TRIM62: variants seen among roughly 807,000 people sequenced by gnomAD.
The protein encoded by TRIM62 is E3 ubiquitin-protein ligase TRIM62.
In TRIM62, 39 loss-of-function variants were observed where a neutral mutation model predicts 44.2. That is an observed-to-expected ratio of 0.88 (90% CI 0.68 to 1.15). The LOEUF (loss-of-function observed/expected upper bound fraction) is 1.15, where lower values mean the gene tolerates loss of function less well. Ranked by LOEUF, TRIM62 falls within the 50% of genes most tolerant of loss-of-function variation. TRIM62 has a pLI of 0.00. For synonymous variants in TRIM62, 278 were observed against 292.3 expected, an observed-to-expected ratio of 0.95 and a Z score of 0.50; for missense variants, 544 against 665.5, an observed-to-expected ratio of 0.82 and a Z score of 2.01.
In TRIM62 at chr1:33,161,040, C is replaced by T. The variant is rs778340741; in HGVS notation, c.505-1096G>A. 2.0e-5 allele frequency among the ~76,000 whole-genome samples: 3 copies of T among 152,208 alleles called. No individual in the cohort carries two copies. Among genetic ancestry groups the T allele is most frequent in the Admixed American group, 6.5e-5 (1 of 15,282 alleles). The stretch of plus-strand genomic sequence containing the variant: ...AGCTCTGGGTCTCTAGCTATGGCAA[C>T]GTCAGTTGCCTAAGAGCTGTGAACC... On this transcript the variant is annotated intron_variant, in intron 2 of 4. Transcript: ENST00000291416. This position sits in a 1 kb window ranked among gnomAD's most constrained non-coding sequence, Gnocchi z 4.3.
Position 33,147,780 on chromosome 1 carries a change from C to T in TRIM62, c.878-53G>A. 1.3e-5 allele frequency: 20 copies of T among 1,566,554 alleles called. No homozygotes were observed. The highest frequency in any genetic ancestry group is 1.6e-5 in the Non-Finnish European group (18 of 1,153,244). On this transcript the variant is annotated intron_variant, in intron 4 of 4. Transcript: ENST00000291416. This position sits in a 1 kb window ranked among gnomAD's most constrained non-coding sequence, Gnocchi z 8.1. ...ATGAGTGGGGAGAAGGCTGTGGACC[C>T]ACCATGCAGTGCCTTCCTGAGGGCA...
chr1:33,155,996 C>T (rs1435947259), intron 4 of TRIM62, among the ~76,000 whole-genome samples: 1 of 152,202 alleles, frequency 6.6e-6, no homozygotes, highest in Non-Finnish European at 1.5e-5. Flanking sequence ...AAGAGAATCC[C>T]CCAAGCGCCC....
intron 1 of TRIM62, among the ~76,000 whole-genome samples, chr1:33,174,770 A>G (rs1319186722): frequency 1.3e-5 from 2 of 152,090 alleles, no homozygotes; most frequent in Admixed American, 6.5e-5. Context: ...AGTTACAGCA[A>G]CCTACCAGTT....
intron 4 of TRIM62, among the ~76,000 whole-genome samples, chr1:33,148,384 C>T (rs891311549): frequency 2.0e-5 from 3 of 152,132 alleles, no homozygotes; most frequent in Admixed American, 6.5e-5. Context: ...CAGAATGCAA[C>T]CACTGTGTAA....
At position 33,147,818 on chromosome 1, in the gene TRIM62, G is replaced by T. The variant is rs934216078; in HGVS notation, c.878-91C>A. 257 of 1,436,980 alleles carry T rather than the reference G, an allele frequency of 1.8e-4. No homozygotes were observed. In the African/African-American group the frequency reaches 3.2e-3, roughly 18 times the overall value. 89.0% of individuals were successfully genotyped at this position (1,436,980 alleles called of 1,614,324 possible). On this transcript the variant is annotated intron_variant, in intron 4 of 4. Transcript: ENST00000291416. This position sits in a 1 kb window ranked among gnomAD's most constrained non-coding sequence, Gnocchi z 8.1. Reference sequence around the variant, plus strand: ...CTTCCTGAGGGCAGAGTTCTGGTTGGTACGCAGGAGGCCTCTGACCTGCTG... The same window carrying T: ...CTTCCTGAGGGCAGAGTTCTGGTTGTTACGCAGGAGGCCTCTGACCTGCTG...
In TRIM62 at chr1:33,181,139, C is replaced by A; in HGVS notation, c.294G>T (p.Lys98Asn). 6.2e-7 allele frequency: 1 copy of A among 1,600,730 alleles called. No individual in the cohort carries two copies. Among genetic ancestry groups the A allele is most frequent in the South Asian group, 1.1e-5 (1 of 90,556 alleles). The change falls in exon 1 of 5, where the codon AAG becomes AAT. Residue 98 changes from lysine to asparagine, a missense_variant. Lys to Asn is a moderately conservative substitution (Grantham distance 94). Coordinates refer to ENST00000291416, the MANE Select transcript of TRIM62 (RefSeq NM_018207.3). This position sits in a 1 kb window ranked among gnomAD's most constrained non-coding sequence, Gnocchi z 6.5. ...RAARPCQAHD[K>N]VKLFCLTDRA... ...GGTCCGTGAGGCAGAAGAGCTTGACCTTGTCGTGCGCCTGGCAGGGTCGCG... is the reference window on the plus strand; with the variant it reads ...GGTCCGTGAGGCAGAAGAGCTTGACATTGTCGTGCGCCTGGCAGGGTCGCG...
intron 1 of TRIM62, among the ~76,000 whole-genome samples, chr1:33,171,059 G>T (rs1277127724): frequency 6.6e-6 from 1 of 152,154 alleles, no homozygotes; most frequent in Non-Finnish European, 1.5e-5. Context: ...GGAAGAGGCT[G>T]CAGGGACCAT....
chr1:33,154,537 C>T (rs1037520049), intron 4 of TRIM62, among the ~76,000 whole-genome samples: 5 of 152,190 alleles, frequency 3.3e-5, no homozygotes, highest in South Asian at 4.1e-4. Context: ...CGGTGGCTCA[C>T]GCCTGTAATC....
At chr1:33,180,781 A>G (rs1207896501) in intron 1 of TRIM62, among the ~76,000 whole-genome samples, 1 of 151,606 alleles carries the variant, frequency 6.6e-6, no homozygotes, top group African/African-American at 2.4e-5. Flanking sequence ...CCGGTACTCC[A>G]GGTCTGTCTC....
At chr1:33,149,389 A>G (rs938415678) in intron 4 of TRIM62, among the ~76,000 whole-genome samples, 3 of 151,794 alleles carry the variant, frequency 2.0e-5, no homozygotes, top group Non-Finnish European at 2.9e-5. Flanking sequence ...CCTGGCCTCA[A>G]GTGATCTGCC....
rs1233747349 is a variant in TRIM62, at chr1:33,145,830, G to A, written c.*1347C>T. 2.1e-6 allele frequency: 1 copy of A among 470,182 alleles called. No homozygotes were observed. The highest frequency in any genetic ancestry group is 4.4e-6 in the Non-Finnish European group (1 of 226,646). 29.1% of individuals were successfully genotyped at this position (470,182 alleles called of 1,614,324 possible). On this transcript the variant is annotated 3_prime_UTR_variant, in exon 5 of 5. Coordinates refer to ENST00000291416, the MANE Select transcript of TRIM62 (RefSeq NM_018207.3). ...ATGCTGTGGCAGAAAAACGCAGGTG[G>A]GGCTTGCTCCACCCACCCTAACTTC... is the stretch of plus-strand genomic sequence containing the variant.
chr1:33,150,343 T>C (rs1645079637), intron 4 of TRIM62, among the ~76,000 whole-genome samples: 1 of 152,242 alleles, frequency 6.6e-6, no homozygotes, highest in South Asian at 2.1e-4. Flanking sequence ...AGAAATAAGA[T>C]GCCTCAATGA....
chr1:33,171,106 C>T (rs776612484), intron 1 of TRIM62, among the ~76,000 whole-genome samples: 1 of 152,166 alleles, frequency 6.6e-6, no homozygotes, highest in African/African-American at 2.4e-5. Flanking sequence ...ACAGGAAACA[C>T]AGGCCCAAGG....
At chr1:33,157,754 T>C (rs1231295662) in intron 4 of TRIM62, among the ~76,000 whole-genome samples, 1 of 152,014 alleles carries the variant, frequency 6.6e-6, no homozygotes, top group Non-Finnish European at 1.5e-5. Context: ...TCATGTTTTT[T>C]TTTTTTCTTC....
rs1645318899 is a variant in TRIM62, at chr1:33,165,461, C to T, written c.504+10G>A. ...TGCCGGCCCCACCTCCGCGCCCCGG[C>T]CAGGCTCACCTTGGTCTCCGCCAGT... On this transcript the variant is annotated intron_variant, in intron 2 of 4. Transcript: ENST00000291416. The surrounding 1 kb of genome is among the most constrained non-coding windows in gnomAD (Gnocchi z 4.0). 16 of 1,587,196 alleles carry T rather than the reference C, an allele frequency of 1.0e-5. No homozygotes were observed. The highest frequency in any genetic ancestry group is 1.4e-5 in the Non-Finnish European group (16 of 1,165,992).
At chr1:33,154,978 A>G (rs1212647069) in intron 4 of TRIM62, among the ~76,000 whole-genome samples, 1 of 149,940 alleles carries the variant, frequency 6.7e-6, no homozygotes, top group Non-Finnish European at 1.5e-5. Flanking sequence ...CTGCAGTCCC[A>G]GCTACTCGGG....
chr1:33,180,118 G>A (rs1373797566), intron 1 of TRIM62, among the ~76,000 whole-genome samples: 4 of 152,078 alleles, frequency 2.6e-5, no homozygotes, highest in East Asian at 1.9e-4. Context: ...AAGGGAGACC[G>A]ATTAGAGTTC....
At chr1:33,176,091 T>C (rs897637469) in intron 1 of TRIM62, among the ~76,000 whole-genome samples, 1 of 152,192 alleles carries the variant, frequency 6.6e-6, no homozygotes, top group Non-Finnish European at 1.5e-5. Flanking sequence ...GCTGTTGGCA[T>C]AGAAATCCTG....
intron 1 of TRIM62, among the ~76,000 whole-genome samples, chr1:33,171,923 A>G (rs1645377618): frequency 6.6e-6 from 1 of 152,104 alleles, no homozygotes; most frequent in Non-Finnish European, 1.5e-5. Flanking sequence ...CTGGGATTAT[A>G]GGCGCCCGAC....
Sources: allele counts gnomAD v4.1 joint callset (sites outside exome capture counted in the v4.1 genomes callset), GRCh38; gene constraint gnomAD v4.1.1; non-coding constraint Gnocchi (gnomAD v3.1); transcripts MANE v1.5; gene names NCBI Gene and HGNC (gene_info 2026-07-23, HGNC 2026-07-21).